The following LRRC69 variants were observed in gnomAD, a reference collection of about 807,000 sequenced individuals.
LRRC69 encodes the protein leucine-rich repeat-containing protein 69.
In LRRC69, 42 loss-of-function variants were observed where a neutral mutation model predicts 37.8. The ratio of observed to expected loss-of-function variants is 1.11; its 90% CI spans 0.87 to 1.44. The LOEUF is 1.44. LRRC69 is among the 40% of genes most tolerant of loss of function. The probability of loss-of-function intolerance (pLI) is 0.00; values close to 1 mark genes in which losing one functional copy is unlikely to be tolerated. For missense variants in LRRC69, 357 were observed against 401.9 expected (o/e 0.89, Z 0.96); for synonymous variants, 141 against 143.1 (o/e 0.99, Z 0.11).
intron 5 of LRRC69, among the ~76,000 whole-genome samples, chr8:91,182,842 T>C (rs1809345994): frequency 6.6e-6 from 1 of 152,176 alleles, no homozygotes; most frequent in Non-Finnish European, 1.5e-5. Context: ...AATTAACATT[T>C]TAAATGTATA....
chr8:91,175,813 G>T (rs1453008135), intron 5 of LRRC69, among the ~76,000 whole-genome samples: 4 of 83,734 alleles, frequency 4.8e-5, no homozygotes, highest in Admixed American at 9.4e-5. Flanking sequence ...GACACCACCG[G>T]AGTTTTTTTT....
At chr8:91,178,803 C>G (rs1421007512) in intron 5 of LRRC69, among the ~76,000 whole-genome samples, 2 of 152,144 alleles carry the variant, frequency 1.3e-5, no homozygotes, top group Non-Finnish European at 2.9e-5. Context: ...TAACTGGTGT[C>G]CCTAGGAAGC....
At chr8:91,115,774 G>T (rs1813500379) in intron 1 of LRRC69, among the ~76,000 whole-genome samples, 1 of 151,604 alleles carries the variant, frequency 6.6e-6, no homozygotes, top group Non-Finnish European at 1.5e-5. Flanking sequence ...GGTGACTGTG[G>T]CTCCTAACTA....
intron 5 of LRRC69, among the ~76,000 whole-genome samples, chr8:91,178,127 C>T (rs187370122): frequency 2.3e-3 from 354 of 152,280 alleles, no homozygotes; most frequent in African/African-American, 8.2e-3. Flanking sequence ...GGATTACAGG[C>T]GTGAGCCACT....
intron 7 of LRRC69, among the ~76,000 whole-genome samples, chr8:91,201,443 C>G (rs1809709338): frequency 6.6e-6 from 1 of 151,950 alleles, no homozygotes; most frequent in East Asian, 1.9e-4. Context: ...TAGCTGTGTT[C>G]TAATAAAACT....
chr8:91,145,084 C>T (rs553451414), intron 5 of LRRC69, among the ~76,000 whole-genome samples: 1 of 151,892 alleles, frequency 6.6e-6, no homozygotes, highest in South Asian at 2.1e-4. Context: ...TAAACATGTC[C>T]ATGATCAAAA....
chr8:91,216,909 A>G (rs1217974378), intron 7 of LRRC69, among the ~76,000 whole-genome samples: 1 of 152,038 alleles, frequency 6.6e-6, no homozygotes, highest in African/African-American at 2.4e-5. Context: ...ACATTCTTGA[A>G]TTTATGCTCT....
intron 7 of LRRC69, among the ~76,000 whole-genome samples, chr8:91,215,107 A>G (rs144816092): frequency 6.8e-4 from 103 of 152,202 alleles, no homozygotes; most frequent in African/African-American, 2.4e-3. Context: ...TAGGTAGTCC[A>G]GGGTAACTTC....
intron 1 of LRRC69, among the ~76,000 whole-genome samples, chr8:91,119,289 G>T (rs1813573979): frequency 6.6e-6 from 1 of 152,014 alleles, no homozygotes; most frequent in Non-Finnish European, 1.5e-5. Context: ...TGATGTATTT[G>T]CCATGGTGAC....
At chr8:91,119,988 A>T (rs1813589814) in intron 1 of LRRC69, among the ~76,000 whole-genome samples, 3 of 151,894 alleles carry the variant, frequency 2.0e-5, no homozygotes. Flanking sequence ...CTACAGGGTT[A>T]TTTCCATCAG....
chr8:91,200,680 A>G (rs754183126), exon 7 of LRRC69: 2 of 1,524,164 alleles, frequency 1.3e-6, no homozygotes, highest in South Asian at 2.5e-5. Flanking sequence ...GATGACATAG[A>G]ACGGTACCCA....
intron 1 of LRRC69, among the ~76,000 whole-genome samples, chr8:91,112,516 G>T (rs1476670696): frequency 6.6e-6 from 1 of 152,014 alleles, no homozygotes; most frequent in Non-Finnish European, 1.5e-5. Context: ...TGCAGAGAAA[G>T]CATTTGACAA....
chr8:91,176,837 T>C (rs1809240433), intron 5 of LRRC69, among the ~76,000 whole-genome samples: 2 of 151,872 alleles, frequency 1.3e-5, no homozygotes. Flanking sequence ...CATCAATTGC[T>C]TAATTTCATC....
rs4464929 is a variant in LRRC69 at position 91,197,100 on chromosome 8, G to T, written c.754-3513G>T. On this transcript the variant is annotated intron_variant, in intron 6 of 7. Coordinates refer to ENST00000448384, the Ensembl canonical transcript of LRRC69. ...CTGCAGGTCTGTTGGAGTACCCTGCGGTGTGAGGTGTCAGTGTGCCCCTGC... is the reference window on the plus strand; with the variant it reads ...CTGCAGGTCTGTTGGAGTACCCTGCTGTGTGAGGTGTCAGTGTGCCCCTGC... Among the ~76,000 whole-genome samples, 9 of 151,228 alleles carry T rather than the reference G, an allele frequency of 6.0e-5. No individual in the cohort carries two copies. The South Asian group carries it at 1.1e-3, about 18-fold the overall frequency.
chr8:91,135,589 C>T, intron 4 of LRRC69, 79 bp from the exon 5 acceptor site: 3 of 927,352 alleles, frequency 3.2e-6, no homozygotes, highest in Non-Finnish European at 4.7e-6. Flanking sequence ...CATGTTGGAG[C>T]TTTAAAAAAA....
chr8:91,217,271 C>T (rs1435387629), intron 7 of LRRC69, among the ~76,000 whole-genome samples: 1 of 152,162 alleles, frequency 6.6e-6, no homozygotes, highest in African/African-American at 2.4e-5. Context: ...AAACCCAACT[C>T]ATATACCAAC....
At chr8:91,205,304 C>T (rs915451815) in intron 7 of LRRC69, among the ~76,000 whole-genome samples, 3 of 152,070 alleles carry the variant, frequency 2.0e-5, no homozygotes, top group African/African-American at 4.8e-5. Flanking sequence ...TGGAGGCTCA[C>T]GTTACTGGCC....
chr8:91,147,862 C>T (rs2130539807), intron 5 of LRRC69, among the ~76,000 whole-genome samples: 1 of 151,744 alleles, frequency 6.6e-6, no homozygotes, highest in South Asian at 2.1e-4. Context: ...TTTCTCCCCA[C>T]CTGGCCCCCC....
chr8:91,126,553 G>T (rs777320341), intron 2 of LRRC69, among the ~76,000 whole-genome samples: 7 of 151,988 alleles, frequency 4.6e-5, no homozygotes, highest in Admixed American at 6.6e-5. Flanking sequence ...AATGGTGGTG[G>T]CCCTGTCTGA....
Sources: allele counts gnomAD v4.1 joint callset (sites outside exome capture counted in the v4.1 genomes callset), GRCh38; gene constraint gnomAD v4.1.1; transcripts MANE v1.5; gene names NCBI Gene and HGNC (gene_info 2026-07-23, HGNC 2026-07-21).